VPS13C: variants seen among roughly 807,000 people sequenced by gnomAD.
VPS13C encodes the protein intermembrane lipid transfer protein VPS13C.
Under a neutral mutation model 456.8 loss-of-function variants are expected in VPS13C, and 358 were observed. The observed-to-expected ratio is 0.78, with a 90% CI of 0.72 to 0.86. VPS13C has a LOEUF of 0.86. VPS13C is among the 40% of genes least tolerant of loss of function. VPS13C has a pLI of 0.00. For missense variants in VPS13C, 4,818 were observed against 4,385.4 expected (o/e 1.10, Z -2.79); for synonymous variants, 1,578 against 1,486.7 (o/e 1.06, Z -1.41).
intron 45 of VPS13C, 86 bp downstream of exon 45, chr15:61,945,629 G>T: frequency 1.8e-6 from 2 of 1,086,854 alleles, no homozygotes; most frequent in Non-Finnish European, 2.6e-6. Flanking sequence ...AGCCTTATCA[G>T]TGAAGATTTT....
Position 61,924,117 on chromosome 15 carries a change from C to T in VPS13C, c.6609+1339G>A, listed in dbSNP as rs549662905. On this transcript the variant is annotated intron_variant, in intron 53 of 84. Transcript: ENST00000644861. ...TCCTGACCTCGTGATCCGCCCGCCT[C>T]GGCCTCCCAAAGTGCTGGGATTACA... Among the ~76,000 whole-genome samples the T allele has an allele frequency of 8.1e-4, 123 of 152,042 alleles. 1 individual carries two copies. Among genetic ancestry groups the T allele is most frequent in the African/African-American group, 2.7e-3 (113 of 41,474 alleles).
intron 82 of VPS13C, among the ~76,000 whole-genome samples, chr15:61,861,105 G>A (rs1307856246): frequency 6.6e-6 from 1 of 151,800 alleles, no homozygotes; most frequent in African/African-American, 2.4e-5. Flanking sequence ...GGGATTACAG[G>A]CATGCGCCAC....
intron 50 of VPS13C, 39 bp from the exon 51 acceptor site, chr15:61,929,787 A>G: frequency 6.5e-7 from 1 of 1,539,038 alleles, no homozygotes; most frequent in Non-Finnish European, 8.8e-7. Flanking sequence ...TATTCTTGCT[A>G]AAACAATAAA....
chr15:61,981,283 G>C (rs777606169), intron 22 of VPS13C, 59 bp downstream of exon 22: 211 of 1,505,516 alleles, frequency 1.4e-4, no homozygotes, highest in Non-Finnish European at 1.7e-4. Context: ...CAAACTGTTG[G>C]AGAGTTAGCT....
chr15:61,877,598 A>G (rs1439900367), intron 74 of VPS13C, among the ~76,000 whole-genome samples: 2 of 151,672 alleles, frequency 1.3e-5, no homozygotes, highest in African/African-American at 2.4e-5. Flanking sequence ...AGGTTAGATT[A>G]CTTTTTGGAA....
chr15:61,934,287 C>A lies in VPS13C; in HGVS notation c.5800G>T (p.Val1934Phe). ...TDSKLSMNQI[V>F]SLQFDFHFES... ...AAGTGAAAGTCAAATTGGAGACTGA[C>A]AATCTGGTTCATAGAGAGCTTTGAG... Residue 1934 changes from valine to phenylalanine, a missense_variant, in exon 49 of 85, where the codon GTC (valine) becomes TTC (phenylalanine). Val to Phe is a conservative substitution (Grantham distance 50, BLOSUM62 -1). Coordinates refer to ENST00000644861, the MANE Select transcript of VPS13C (RefSeq NM_020821.3). 2 of 1,597,002 alleles carry A rather than the reference C, an allele frequency of 1.3e-6. No homozygotes were observed. The highest frequency in any genetic ancestry group is 2.3e-5 in the South Asian group (2 of 88,070).
intron 61 of VPS13C, among the ~76,000 whole-genome samples, chr15:61,914,327 G>C (rs974918667): frequency 7.2e-5 from 11 of 151,996 alleles, no homozygotes; most frequent in Admixed American, 6.5e-5. Context: ...CCAGCATTTT[G>C]AGAGGCCGAG....
chr15:61,945,237 T>C (rs535152637), intron 45 of VPS13C, among the ~76,000 whole-genome samples: 5 of 152,362 alleles, frequency 3.3e-5, no homozygotes, highest in African/African-American at 9.6e-5. Context: ...GGCAGTTCTT[T>C]ATAGCAGTGT....
At chr15:61,874,744 A>T in intron 77 of VPS13C, 132 bp downstream of exon 77, 3 of 738,764 alleles carry the variant, frequency 4.1e-6, no homozygotes, top group Non-Finnish European at 6.0e-6. Flanking sequence ...CATGGGAAAC[A>T]TGTCTTTTAA....
chr15:61,938,475 T>C (rs34234705), intron 47 of VPS13C, among the ~76,000 whole-genome samples: 8,721 of 152,122 alleles, frequency 0.057, 312 homozygotes, highest in Non-Finnish European at 0.081. Context: ...AGGAAAACTA[T>C]ACAGACTATG....
chr15:62,030,805 A>T (rs1204511912), intron 5 of VPS13C, among the ~76,000 whole-genome samples: 1 of 152,162 alleles, frequency 6.6e-6, no homozygotes, highest in East Asian at 1.9e-4. Flanking sequence ...TTAATGACAG[A>T]ATGTTAACAT....
In VPS13C at chr15:61,950,413, T is replaced by C. The variant is rs1193810523; in HGVS notation, c.4541A>G (p.Asp1514Gly). Residue 1514 changes from aspartate to glycine, a missense_variant, in exon 41 of 85, where the codon GAC (aspartate) becomes GGC (glycine). Around this residue, in one of 3 missense-constraint regions of VPS13C, gnomAD observed 4,552 missense variants for 4,130.6 expected, o/e 1.10. Coordinates refer to ENST00000644861, the MANE Select transcript of VPS13C (RefSeq NM_020821.3). Reference sequence around the variant, plus strand: ...AGTTTTAAATTCTGGTCCATCACTGTCTGCCTACAAATAGTGGAGAATTAC... The same window carrying C: ...AGTTTTAAATTCTGGTCCATCACTGCCTGCCTACAAATAGTGGAGAATTAC... ...PLLKMLLTKA[D>G]SDGPEFKTIH... is the part of the protein sequence containing the mutation. 2 of 1,610,838 alleles carry C rather than the reference T, an allele frequency of 1.2e-6. No homozygotes were observed. Among genetic ancestry groups the C allele is most frequent in the Non-Finnish European group, 8.5e-7 (1 of 1,177,788 alleles).
At chr15:61,983,610 A>G in intron 20 of VPS13C, 1 of 499,724 alleles carries the variant, frequency 2.0e-6, no homozygotes, top group Non-Finnish European at 3.4e-6. Context: ...GCGTAGATAA[A>G]TAAACCTTGG....
At chr15:61,957,088 TA>T (rs2045028490) in intron 37 of VPS13C, among the ~76,000 whole-genome samples, 2 of 152,218 alleles carry the variant, frequency 1.3e-5, no homozygotes, top group Admixed American at 6.6e-5. Context: ...TAAATTTTGA[TA>T]CATTCATATA....
At chr15:61,992,146 A>G (rs1435000339) in intron 16 of VPS13C, among the ~76,000 whole-genome samples, 1 of 152,228 alleles carries the variant, frequency 6.6e-6, no homozygotes, top group Admixed American at 6.5e-5. Flanking sequence ...ATAAAATGAA[A>G]AGTTCCTTGA....
At chr15:61,919,979 G>T in intron 57 of VPS13C, 88 bp downstream of exon 57, 1 of 1,278,772 alleles carries the variant, frequency 7.8e-7, no homozygotes, top group Non-Finnish European at 1.0e-6. Flanking sequence ...CCAGATATCT[G>T]CAGCAAAATG....
At chr15:61,995,458 A>G (rs942848930) in intron 16 of VPS13C, among the ~76,000 whole-genome samples, 1 of 152,218 alleles carries the variant, frequency 6.6e-6, no homozygotes, top group African/African-American at 2.4e-5. Context: ...TTTCTAAACA[A>G]TAAAGTATGG....
At chr15:61,986,168 C>A (rs1396986622) in intron 18 of VPS13C, among the ~76,000 whole-genome samples, 1 of 149,674 alleles carries the variant, frequency 6.7e-6, no homozygotes, top group East Asian at 1.9e-4. Flanking sequence ...AGATTCATGA[C>A]AAATTGGAAC....
chr15:61,896,259 G>A (rs111638542), intron 66 of VPS13C, among the ~76,000 whole-genome samples: 86 of 152,290 alleles, frequency 5.6e-4, no homozygotes, highest in South Asian at 2.1e-3. Flanking sequence ...CAAGATGGCC[G>A]AATAGGAACA....
Sources: allele counts gnomAD v4.1 joint callset (sites outside exome capture counted in the v4.1 genomes callset), GRCh38; gene constraint gnomAD v4.1.1; regional missense constraint gnomAD v4.1.1; transcripts MANE v1.5; gene names NCBI Gene and HGNC (gene_info 2026-07-23, HGNC 2026-07-21).